Variants in PTPRD observed in about 807,000 individuals in gnomAD.
The protein encoded by PTPRD is protein tyrosine phosphatase receptor type D, also known as receptor-type tyrosine-protein phosphatase delta.
PTPRD carries 34 observed loss-of-function variants against 214.5 expected under a neutral mutation model. The ratio of observed to expected loss-of-function variants is 0.16; its 90% CI spans 0.12 to 0.21. The LOEUF is 0.21. PTPRD is among the 10% of genes least tolerant of loss of function. The pLI, the probability that PTPRD is intolerant of heterozygous loss-of-function variation, is 1.00. For missense variants in PTPRD, 2,545 were observed against 2,398.7 expected (o/e 1.06, Z -1.27); for synonymous variants, 1,128 against 845.7 (o/e 1.33, Z -5.79).
At chr9:8,823,791 A>AAAGATTAAC (rs369171050) in intron 11 of PTPRD, among the ~76,000 whole-genome samples, 2 of 152,232 alleles carry the variant, frequency 1.3e-5, no homozygotes, top group African/African-American at 4.8e-5. Flanking sequence ...TTGCGCGAGA[A>AAAGATTAAC]AAGATTAACG....
chr9:9,196,895 T>C, intron 9 of PTPRD, among the ~76,000 whole-genome samples: 1 of 152,144 alleles, frequency 6.6e-6, no homozygotes. Flanking sequence ...CTTGCTATTC[T>C]CCTGTTGAAC....
chr9:10,327,559 C>T (rs564200731), intron 3 of PTPRD, among the ~76,000 whole-genome samples: 8 of 151,486 alleles, frequency 5.3e-5, no homozygotes, highest in East Asian at 3.9e-4. Context: ...GTTTGGAAAC[C>T]GTTTCCTGGA....
intron 9 of PTPRD, among the ~76,000 whole-genome samples, chr9:9,371,872 C>G (rs138066930): frequency 0.015 from 2,333 of 152,064 alleles, 26 homozygotes; most frequent in Middle Eastern, 0.054. Flanking sequence ...CGTTATGTAC[C>G]CAGTAGTCTT....
intron 45 of PTPRD, among the ~76,000 whole-genome samples, chr9:8,318,992 C>G (rs892534379): frequency 6.6e-6 from 1 of 152,024 alleles, no homozygotes; most frequent in African/African-American, 2.4e-5. Context: ...TGTTTACTTT[C>G]CTATCTTGTC....
chr9:9,746,224 TATAAA>T (rs1468594354), intron 6 of PTPRD, among the ~76,000 whole-genome samples: 1 of 152,006 alleles, frequency 6.6e-6, no homozygotes, highest in Non-Finnish European at 1.5e-5. Flanking sequence ...GCTAAGCACA[TATAAA>T]ATAAAAGAGA....
intron 4 of PTPRD, among the ~76,000 whole-genome samples, chr9:9,973,384 G>A (rs960764452): frequency 6.6e-6 from 1 of 151,676 alleles, no homozygotes; most frequent in East Asian, 1.9e-4. Flanking sequence ...AAGCCGGAGG[G>A]TTACTTAACC....
At chr9:9,460,302 A>G (rs1005336742) in intron 8 of PTPRD, among the ~76,000 whole-genome samples, 5 of 152,102 alleles carry the variant, frequency 3.3e-5, no homozygotes, top group Admixed American at 2.0e-4. Flanking sequence ...TATGACTAAG[A>G]CCTCAAAAGC....
At chr9:10,230,655 T>G (rs983015802) in intron 3 of PTPRD, among the ~76,000 whole-genome samples, 3 of 151,952 alleles carry the variant, frequency 2.0e-5, no homozygotes, top group African/African-American at 7.2e-5. Flanking sequence ...AAATTAAAAT[T>G]TTGTGGTTGT....
chr9:9,609,845 A>T (rs959924823), intron 7 of PTPRD, among the ~76,000 whole-genome samples: 1 of 152,230 alleles, frequency 6.6e-6, no homozygotes, highest in African/African-American at 2.4e-5. Flanking sequence ...TTGTCAATTC[A>T]GCGTGTAAAA....
At chr9:10,487,847 T>A (rs190073214) in intron 2 of PTPRD, among the ~76,000 whole-genome samples, 3,181 of 143,962 alleles carry the variant, frequency 0.022, 104 homozygotes, top group African/African-American at 0.072. Context: ...TTTTTTTTTT[T>A]AAAAAGGAGA....
chr9:8,717,618 T>A (rs978650861), intron 12 of PTPRD, among the ~76,000 whole-genome samples: 4 of 152,220 alleles, frequency 2.6e-5, no homozygotes, highest in African/African-American at 9.6e-5. Context: ...TTTGTAATAC[T>A]CAGCCTCACT....
intron 9 of PTPRD, among the ~76,000 whole-genome samples, chr9:9,191,315 C>A (rs1047507448): frequency 1.3e-5 from 2 of 152,134 alleles, no homozygotes; most frequent in Non-Finnish European, 2.9e-5. Context: ...GTCTTCTGAG[C>A]CTTACCAAAA....
chr9:9,110,303 A>G (rs952463967), intron 10 of PTPRD, among the ~76,000 whole-genome samples: 2 of 152,086 alleles, frequency 1.3e-5, no homozygotes, highest in Non-Finnish European at 2.9e-5. Context: ...TCCCCAGACC[A>G]GCAACTTCAA....
intron 3 of PTPRD, among the ~76,000 whole-genome samples, chr9:10,109,417 A>C (rs1399302261): frequency 1.3e-5 from 2 of 152,236 alleles, no homozygotes; most frequent in Non-Finnish European, 2.9e-5. Context: ...GAAGTAAAAT[A>C]AAATCGCATG....
chr9:8,775,863 A>C (rs962599813), intron 11 of PTPRD, among the ~76,000 whole-genome samples: 1 of 151,430 alleles, frequency 6.6e-6, no homozygotes, highest in African/African-American at 2.4e-5. Context: ...ATGATGCAAT[A>C]ATCTGCAGGA....
At chr9:8,546,327 A>C (rs1593316443) in intron 14 of PTPRD, among the ~76,000 whole-genome samples, 1 of 152,320 alleles carries the variant, frequency 6.6e-6, no homozygotes, top group Non-Finnish European at 1.5e-5. Context: ...AATTCGACAG[A>C]TTAACCTGAG....
chr9:8,448,024 T>C (rs773203307), intron 34 of PTPRD, among the ~76,000 whole-genome samples: 8 of 152,140 alleles, frequency 5.3e-5, no homozygotes, highest in Non-Finnish European at 8.8e-5. Context: ...CTGGGTCCAT[T>C]ATTAAGAAGT....
At chr9:10,398,204 C>A (rs965433696) in intron 2 of PTPRD, among the ~76,000 whole-genome samples, 6 of 151,396 alleles carry the variant, frequency 4.0e-5, no homozygotes, top group African/African-American at 1.5e-4. Context: ...CACAGCGAGA[C>A]CCTGTCATTA....
chr9:9,401,261 GTC>G (rs1343726278), intron 8 of PTPRD, among the ~76,000 whole-genome samples: 2 of 151,976 alleles, frequency 1.3e-5, no homozygotes, highest in Non-Finnish European at 2.9e-5. Context: ...AATAATCTCT[GTC>G]TCTATTACAC....
Sources: gnomAD v4.1 joint callset for allele counts (sites outside exome capture counted in the v4.1 genomes callset) on GRCh38, gnomAD v4.1.1 for gene constraint, MANE v1.5 for transcripts, NCBI Gene and HGNC (gene_info 2026-07-23, HGNC 2026-07-21) for gene names.